The following ARIH1 variants were observed in gnomAD, a reference collection of about 807,000 sequenced individuals.
ARIH1 encodes ariadne RBR E3 ubiquitin protein ligase 1, also known as E3 ubiquitin-protein ligase ARIH1.
In ARIH1, 8 loss-of-function variants were observed where a neutral mutation model predicts 85.0. The ratio of observed to expected loss-of-function variants is 0.09; its 90% CI spans 0.06 to 0.17. The LOEUF is 0.17. ARIH1 is among the 10% of genes least tolerant of loss of function. The probability of loss-of-function intolerance (pLI) is 1.00; values close to 1 mark genes in which losing one functional copy is unlikely to be tolerated. For synonymous variants in ARIH1, 238 were observed against 253.6 expected (o/e 0.94, Z 0.59); for missense variants, 311 against 718.1 (o/e 0.43, Z 6.48).
chr15:72,546,068 A>C (rs1392617523), intron 3 of ARIH1, among the ~76,000 whole-genome samples: 1 of 152,172 alleles, frequency 6.6e-6, no homozygotes, highest in Non-Finnish European at 1.5e-5. Context: ...TCACTATGCT[A>C]CCCAGGCTGG....
At chr15:72,481,980 G>A (rs1362546156) in intron 1 of ARIH1, among the ~76,000 whole-genome samples, 2 of 152,030 alleles carry the variant, frequency 1.3e-5, no homozygotes, top group Non-Finnish European at 2.9e-5. Context: ...GGGATTACAG[G>A]CGCCCACCAC....
intron 2 of ARIH1, among the ~76,000 whole-genome samples, chr15:72,522,985 A>G (rs1391473598): frequency 6.6e-6 from 1 of 152,204 alleles, no homozygotes; most frequent in Non-Finnish European, 1.5e-5. Context: ...CAAAATACTG[A>G]CTACCAAATG....
At position 72,474,732 on chromosome 15, in the gene ARIH1, C is replaced by T. The variant is rs762540150; in HGVS notation, c.93C>T (p.Asp31=). 4 of 1,561,298 alleles carry T rather than the reference C, an allele frequency of 2.6e-6. No homozygotes were observed. The highest frequency in any genetic ancestry group is 1.9e-5 in the Admixed American group (1 of 53,702). The change falls in exon 1 of 14, where the codon GAC becomes GAT. Residue 31 remains aspartate, a synonymous_variant. Coordinates refer to ENST00000379887, the MANE Select transcript of ARIH1 (RefSeq NM_005744.5). ...DSGAEEEEDE[D]DDEPDDDTLD... Reference sequence around the variant, plus strand: ...GCGCCGAGGAGGAGGAGGACGAAGACGACGACGAGCCGGACGATGATACCC... The same window carrying T: ...GCGCCGAGGAGGAGGAGGACGAAGATGACGACGAGCCGGACGATGATACCC...
intron 1 of ARIH1, among the ~76,000 whole-genome samples, chr15:72,509,614 G>T (rs1467516735): frequency 6.6e-5 from 10 of 151,728 alleles, no homozygotes; most frequent in Admixed American, 6.6e-4. Context: ...TTTAAGACAG[G>T]GTCTTACTCT....
At position 72,475,026 on chromosome 15, in the gene ARIH1, C is replaced by T. The variant is rs1161356399; in HGVS notation, c.375+12C>T. 5.2e-6 allele frequency: 8 copies of T among 1,550,646 alleles called. No individual in the cohort carries two copies. The highest frequency in any genetic ancestry group is 6.1e-6 in the Non-Finnish European group (7 of 1,146,704). On this transcript the variant is annotated intron_variant, in intron 1 of 13. Coordinates refer to ENST00000379887, the MANE Select transcript of ARIH1 (RefSeq NM_005744.5). ...ACGAGGTCATCCAGGTGAGGGTGGCCGCCGCGCCAGCTGGACCGGGCCCGA... is the reference window on the plus strand; with the variant it reads ...ACGAGGTCATCCAGGTGAGGGTGGCTGCCGCGCCAGCTGGACCGGGCCCGA...
chr15:72,591,134 A>AT lies in ARIH1; in HGVS notation c.*7843dup, dbSNP rs2064341197. ...CTGCTCGGAAGGCTGAGGCAGGAGA[A>AT]TCGCTTGAACGCGGGAGGTGGAGTT... On this transcript the variant is annotated 3_prime_UTR_variant, in exon 14 of 14. Coordinates refer to ENST00000379887, the MANE Select transcript of ARIH1 (RefSeq NM_005744.5). The AT allele has an allele frequency of 6.7e-6, 1 of 149,794 alleles. No individual in the cohort carries two copies. The highest frequency in any genetic ancestry group is 6.7e-5 in the Admixed American group (1 of 14,886). 9.3% of individuals were successfully genotyped at this position (149,794 alleles called of 1,614,324 possible).
intron 1 of ARIH1, among the ~76,000 whole-genome samples, chr15:72,494,348 G>T (rs2063871316): frequency 1.3e-5 from 2 of 152,290 alleles, no homozygotes; most frequent in South Asian, 4.1e-4. Flanking sequence ...TGGGAGGACC[G>T]ACTTGCTGGT....
intron 1 of ARIH1, among the ~76,000 whole-genome samples, chr15:72,513,173 C>G (rs965720280): frequency 6.6e-6 from 1 of 152,076 alleles, no homozygotes; most frequent in African/African-American, 2.4e-5. Context: ...TAATTATTTA[C>G]GTGGTTAGAT....
At chr15:72,577,640 T>C (rs1159999329) in intron 11 of ARIH1, among the ~76,000 whole-genome samples, 1 of 152,132 alleles carries the variant, frequency 6.6e-6, no homozygotes, top group Non-Finnish European at 1.5e-5. Context: ...ACCATTGCAC[T>C]CTAGCCTGTG....
In ARIH1 at chr15:72,567,270, G is replaced by A. The variant is rs575594674; in HGVS notation, c.1026+93G>A. 5.3e-5 allele frequency: 48 copies of A among 911,802 alleles called. 3 individuals carry two copies. In the Admixed American group the frequency reaches 9.3e-4, roughly 18 times the overall value. 56.5% of individuals were successfully genotyped at this position (911,802 alleles called of 1,614,324 possible). A position where few individuals can be genotyped will look rare whatever the true frequency, so the allele number is the denominator to read the frequency against. On this transcript the variant is annotated intron_variant, in intron 9 of 13. Coordinates refer to ENST00000379887, the MANE Select transcript of ARIH1 (RefSeq NM_005744.5). ...AAGCAATGAGGTGACCTACTTACAG[G>A]CTTTGTTTCATCTTTTTCTCCATTG... is the stretch of plus-strand genomic sequence containing the variant.
Position 72,563,455 on chromosome 15 carries a change from A to T in ARIH1, c.866A>T (p.Tyr289Phe). Residue 289 changes from tyrosine (Y) to phenylalanine (F), a missense_variant, in exon 7 of 14, where the codon TAT becomes TTT. Physicochemically the swap from Tyr to Phe is conservative, Grantham distance 22 (BLOSUM62 3). This residue lies in a region of ARIH1 where 104 missense variants were observed against 221.4 expected (regional missense o/e 0.47). Transcript: ENST00000379887. ...PDCHHVVKVQYPDAKPVRCKC... is the reference protein window; with the variant it reads ...PDCHHVVKVQFPDAKPVRCKC... The stretch of plus-strand genomic sequence containing the variant: ...TGCCACCATGTTGTTAAAGTCCAAT[A>T]TCCTGATGCTAAACCTGTTCGCTGC... 1 of 1,614,124 alleles carries T rather than the reference A, an allele frequency of 6.2e-7. No homozygotes were observed. The highest frequency in any genetic ancestry group is 8.5e-7 in the Non-Finnish European group (1 of 1,179,998).
chr15:72,489,683 G>T (rs2063851421), intron 1 of ARIH1, among the ~76,000 whole-genome samples: 1 of 152,192 alleles, frequency 6.6e-6, no homozygotes, highest in Non-Finnish European at 1.5e-5. Flanking sequence ...CTTTTGACTT[G>T]TGAGCTTGTT....
chr15:72,510,207 C>A (rs1386440212), intron 1 of ARIH1, among the ~76,000 whole-genome samples: 1 of 152,096 alleles, frequency 6.6e-6, no homozygotes, highest in East Asian at 1.9e-4. Flanking sequence ...GGTACAAATT[C>A]TTCATCAGAA....
chr15:72,545,822 C>G (rs2064126507), intron 3 of ARIH1, among the ~76,000 whole-genome samples: 1 of 152,180 alleles, frequency 6.6e-6, no homozygotes, highest in African/African-American at 2.4e-5. Context: ...GAGTGAGACT[C>G]CGTCTCAAAA....
chr15:72,553,193 G>A (rs1341371829), intron 3 of ARIH1, among the ~76,000 whole-genome samples: 3 of 152,084 alleles, frequency 2.0e-5, no homozygotes, highest in Non-Finnish European at 2.9e-5. Context: ...ATGGCAAAAT[G>A]TTCTTTAAAA....
chr15:72,496,845 C>T, intron 1 of ARIH1: 1 of 985,452 alleles, frequency 1.0e-6, no homozygotes, highest in Non-Finnish European at 1.2e-6. Flanking sequence ...GACAGGCGGG[C>T]TGCAGCAGCA....
intron 2 of ARIH1, among the ~76,000 whole-genome samples, chr15:72,519,351 A>G (rs966435867): frequency 2.0e-5 from 3 of 151,974 alleles, no homozygotes; most frequent in Admixed American, 6.6e-5. Flanking sequence ...TTAAATTACA[A>G]TTTAATAGTA....
At position 72,479,208 on chromosome 15, in the gene ARIH1, A is replaced by G. The variant is rs188033756; in HGVS notation, c.375+4194A>G. On this transcript the variant is annotated intron_variant, in intron 1 of 13. Transcript: ENST00000379887. ...TCGGATTTTCAGATTAGGGATGTTG[A>G]TTGTAAGTATAATTAAATATTCCAA... Among the ~76,000 whole-genome samples the G allele has an allele frequency of 2.7e-3, 414 of 152,254 alleles. 1 individual carries two copies. The highest frequency in any genetic ancestry group is 5.8e-3 in the South Asian group (28 of 4,826).
chr15:72,550,761 TC>T (rs1431333063), intron 3 of ARIH1, among the ~76,000 whole-genome samples: 34 of 151,322 alleles, frequency 2.2e-4, no homozygotes. Flanking sequence ...AACCTCCGCC[TC>T]CCGGGTTCAA....
Sources: allele counts gnomAD v4.1 joint callset (sites outside exome capture counted in the v4.1 genomes callset), GRCh38; gene constraint gnomAD v4.1.1; regional missense constraint gnomAD v4.1.1; transcripts MANE v1.5; gene names NCBI Gene and HGNC (gene_info 2026-07-23, HGNC 2026-07-21).